The following SLC8A2 variants were observed in gnomAD, a reference collection of about 807,000 sequenced individuals.
SLC8A2 encodes the protein sodium/calcium exchanger 2.
A neutral mutation model predicts 70.2 loss-of-function variants in SLC8A2; 14 were observed. The observed-to-expected ratio is 0.20, with a 90% CI of 0.13 to 0.31. SLC8A2 has a LOEUF of 0.31. Among genes scored for constraint, SLC8A2 ranks in the 10% least tolerant of loss-of-function variants. The probability of loss-of-function intolerance (pLI) is 1.00; values close to 1 mark genes in which losing one functional copy is unlikely to be tolerated. For missense variants in SLC8A2, 779 were observed against 1,320.1 expected, an observed-to-expected ratio of 0.59 and a Z score of 6.35; for synonymous variants, 575 against 594.3, an observed-to-expected ratio of 0.97 and a Z score of 0.47.
chr19:47,448,043 A>C lies in SLC8A2; in HGVS notation c.1529T>G (p.Leu510Arg), dbSNP rs2122630934. The C allele has an allele frequency of 6.4e-7, 1 of 1,571,802 alleles. No homozygotes were observed. Among genetic ancestry groups the C allele is most frequent in the East Asian group, 2.4e-5 (1 of 42,340 alleles). The stretch of plus-strand genomic sequence containing the variant: ...GTCCAGGATGGTGACGGTGGCCAGC[A>C]GCGGCGCCACCAGCCGCCCCTTGGG... ...GRPKGRLVAP[L>R]LATVTILDDD... is the part of the protein sequence containing the mutation. Residue 510 changes from leucine to arginine, a missense_variant, in exon 4 of 10, where the codon CTG (leucine) becomes CGG (arginine). By Grantham distance (102) the Leu-to-Arg change is moderately radical. Around this residue, in one of 6 missense-constraint regions of SLC8A2, gnomAD observed 247 missense variants for 362.8 expected, o/e 0.68. Coordinates refer to ENST00000236877, the MANE Select transcript of SLC8A2 (RefSeq NM_015063.3). This position sits in a 1 kb window ranked among gnomAD's most constrained non-coding sequence, Gnocchi z 4.8.
chr19:47,454,396 C>T (rs1467122822), intron 3 of SLC8A2, among the ~76,000 whole-genome samples: 1 of 152,156 alleles, frequency 6.6e-6, no homozygotes, highest in African/African-American at 2.4e-5. Context: ...AGAGGATGGA[C>T]CGAGTGGCCA....
intron 2 of SLC8A2, among the ~76,000 whole-genome samples, chr19:47,463,488 T>C (rs1280933902): frequency 2.7e-5 from 4 of 148,118 alleles, no homozygotes; most frequent in Non-Finnish European, 4.5e-5. Context: ...TCCCAGCACT[T>C]TGGGAGGCTG....
rs2122656013 is a variant in SLC8A2, at chr19:47,468,150, C to T, written c.-16-1731G>A. Among the ~76,000 whole-genome samples the T allele has an allele frequency of 6.6e-6, 1 of 151,990 alleles. No homozygotes were observed. On this transcript the variant is annotated intron_variant, in intron 1 of 9. Transcript: ENST00000236877. The surrounding 1 kb of genome is among the most constrained non-coding windows in gnomAD (Gnocchi z 5.1). ...GAGGTCCTGCCCAACCTGGCCCCGACTCCCTCTCTGGCCTCTTTTCCCACC... is the reference window on the plus strand; with the variant it reads ...GAGGTCCTGCCCAACCTGGCCCCGATTCCCTCTCTGGCCTCTTTTCCCACC...
rs994626355 is a variant in SLC8A2, at chr19:47,468,446, G to A, written c.-16-2027C>T. On this transcript the variant is annotated intron_variant, in intron 1 of 9. Transcript: ENST00000236877. This position sits in a 1 kb window ranked among gnomAD's most constrained non-coding sequence, Gnocchi z 5.1. ...CAAGTAGCGGGAAGTACAGGCGTGC[G>A]CCACCATGCCCAGCTAATTTATTGT... Among the ~76,000 whole-genome samples, 4 of 152,116 alleles carry A rather than the reference G, an allele frequency of 2.6e-5. No homozygotes were observed. The highest frequency in any genetic ancestry group is 2.9e-5 in the Non-Finnish European group (2 of 68,014).
At chr19:47,442,397 A>G (rs1967110379) in intron 4 of SLC8A2, among the ~76,000 whole-genome samples, 1 of 152,210 alleles carries the variant, frequency 6.6e-6, no homozygotes, top group African/African-American at 2.4e-5. Flanking sequence ...AATGAAAGTC[A>G]AAGTCCTTAG....
intron 4 of SLC8A2, among the ~76,000 whole-genome samples, chr19:47,442,985 T>C (rs1027996595): frequency 1.3e-5 from 2 of 152,208 alleles, no homozygotes; most frequent in African/African-American, 4.8e-5. Context: ...ACCTGGCCTG[T>C]CTTCTTTAAA....
chr19:47,440,519 C>G (rs1418178249), intron 6 of SLC8A2, among the ~76,000 whole-genome samples: 2 of 152,182 alleles, frequency 1.3e-5, no homozygotes, highest in African/African-American at 4.8e-5. Flanking sequence ...CTCTGCCTCC[C>G]GGGTTCAAGC....
At chr19:47,467,396 G>A (rs1414764756) in intron 1 of SLC8A2, among the ~76,000 whole-genome samples, 2 of 152,156 alleles carry the variant, frequency 1.3e-5, no homozygotes, top group African/African-American at 4.8e-5. Context: ...GGGCTGTGGC[G>A]GGTGTTGGGC....
intron 2 of SLC8A2, among the ~76,000 whole-genome samples, chr19:47,461,864 A>G (rs559307707): frequency 1.3e-5 from 2 of 152,312 alleles, no homozygotes; most frequent in African/African-American, 4.8e-5. Context: ...TAGAGCACCC[A>G]CTAAGAATGT....
At chr19:47,443,142 A>G (rs57112810) in intron 4 of SLC8A2, among the ~76,000 whole-genome samples, 4,636 of 152,274 alleles carry the variant, frequency 0.03, 229 homozygotes, top group African/African-American at 0.1. Context: ...TCCCTGGCAT[A>G]GAGCACACCC....
intron 8 of SLC8A2, among the ~76,000 whole-genome samples, chr19:47,437,017 G>A (rs1470088894): frequency 1.3e-5 from 2 of 152,004 alleles, no homozygotes; most frequent in East Asian, 3.9e-4. Flanking sequence ...TCAGCCCAGA[G>A]CCAAACACAA....
rs1445809947 is a variant in SLC8A2, at chr19:47,448,352, G to A, written c.1341-121C>T. ...GTAGGTGCCATAGAAGAACTCCCAA[G>A]TATGAGGGTCGACAGGCATTAAACA... On this transcript the variant is annotated intron_variant, in intron 3 of 9. Coordinates refer to ENST00000236877, the MANE Select transcript of SLC8A2 (RefSeq NM_015063.3). The surrounding 1 kb of genome is among the most constrained non-coding windows in gnomAD (Gnocchi z 4.8). The A allele has an allele frequency of 4.2e-6, 3 of 709,530 alleles. No individual in the cohort carries two copies. The highest frequency in any genetic ancestry group is 6.9e-6 in the Non-Finnish European group (3 of 432,584). 44.0% of individuals were successfully genotyped at this position (709,530 alleles called of 1,614,324 possible).
rs1481312940 is a variant in SLC8A2 at position 47,448,374 on chromosome 19, A to C, written c.1341-143T>G. 2 of 639,066 alleles carry C rather than the reference A, an allele frequency of 3.1e-6. No homozygotes were observed. The highest frequency in any genetic ancestry group is 5.4e-6 in the Non-Finnish European group (2 of 372,860). The allele number at this position is 639,066 out of a possible 1,614,324, so 39.6% of individuals were successfully genotyped here. ...CAAGTATGAGGGTCGACAGGCATTA[A>C]ACAAGTAATACTGAGGGTGAATCGG... On this transcript the variant is annotated intron_variant, in intron 3 of 9. Coordinates refer to ENST00000236877, the MANE Select transcript of SLC8A2 (RefSeq NM_015063.3). The surrounding 1 kb of genome is among the most constrained non-coding windows in gnomAD (Gnocchi z 4.8).
Position 47,466,490 on chromosome 19 carries a change from A to T in SLC8A2, c.-16-71T>A, listed in dbSNP as rs1967463609. 1.7e-6 allele frequency: 1 copy of T among 604,810 alleles called. No individual in the cohort carries two copies. The highest frequency in any genetic ancestry group is 2.9e-6 in the Non-Finnish European group (1 of 348,042). 37.5% of individuals were successfully genotyped at this position (604,810 alleles called of 1,614,324 possible). A position where few individuals can be genotyped will look rare whatever the true frequency, so the allele number is the denominator to read the frequency against. On this transcript the variant is annotated intron_variant, in intron 1 of 9. Transcript: ENST00000236877. The surrounding 1 kb of genome is among the most constrained non-coding windows in gnomAD (Gnocchi z 6.9). ...TTCTGTCATACAAAGGTCAAAGCTC[A>T]CTGGGGAAGGAGGGTTGGGGGAGAA...
At chr19:47,445,699 G>T (rs771285254) in intron 4 of SLC8A2, among the ~76,000 whole-genome samples, 8 of 152,222 alleles carry the variant, frequency 5.3e-5, no homozygotes, top group Non-Finnish European at 1.2e-4. Context: ...GCTTGTGGGG[G>T]TGGGGGACAG....
intron 4 of SLC8A2, among the ~76,000 whole-genome samples, chr19:47,445,445 TTCTGTC>T (rs1967149441): frequency 6.6e-6 from 1 of 152,100 alleles, no homozygotes; most frequent in African/African-American, 2.4e-5. Flanking sequence ...TGTCTCTCTG[TTCTGTC>T]TCTGTTTCTC....
At chr19:47,441,231 C>T (rs1026928776) in intron 5 of SLC8A2, 45 bp from the exon 6 acceptor site, 11 of 1,611,834 alleles carry the variant, frequency 6.8e-6, no homozygotes, top group Admixed American at 5.0e-5. Context: ...CAGTTCCCCA[C>T]GAAGCTCAGG....
intron 3 of SLC8A2, among the ~76,000 whole-genome samples, chr19:47,454,826 C>CTG (rs1967284454): frequency 6.6e-6 from 1 of 152,210 alleles, no homozygotes; most frequent in South Asian, 2.1e-4. Flanking sequence ...TGGCTCACGC[C>CTG]TGTAGTCCCA....
intron 3 of SLC8A2, among the ~76,000 whole-genome samples, chr19:47,455,664 A>G (rs558599093): frequency 1.4e-4 from 21 of 152,226 alleles, no homozygotes; most frequent in Non-Finnish European, 2.8e-4. Context: ...CTGTAAAGCT[A>G]TAAGTCTTAA....
Sources: gnomAD v4.1 joint callset for allele counts (sites outside exome capture counted in the v4.1 genomes callset) on GRCh38, gnomAD v4.1.1 for gene constraint, gnomAD v4.1.1 regional missense constraint, Gnocchi (gnomAD v3.1) non-coding constraint, MANE v1.5 for transcripts, NCBI Gene and HGNC (gene_info 2026-07-23, HGNC 2026-07-21) for gene names.